ZNF568: variants seen among roughly 807,000 people sequenced by gnomAD.
ZNF568 encodes p53 inhibitor of SCO2 activation.
Under a neutral mutation model 18.1 loss-of-function variants are expected in ZNF568, and 11 were observed. The observed-to-expected ratio is 0.61, with a 90% CI of 0.38 to 1.00. The LOEUF is 1.00. Among genes scored for constraint, ZNF568 ranks in the 50% least tolerant of loss-of-function variants. ZNF568 has a pLI of 0.01. For synonymous variants in ZNF568, 213 were observed against 246.6 expected (o/e 0.86, Z 1.28); for missense variants, 639 against 768.2 (o/e 0.83, Z 1.99).
intron 2 of ZNF568, among the ~76,000 whole-genome samples, chr19:36,985,697 A>G (rs576531978): frequency 6.6e-6 from 1 of 152,160 alleles, no homozygotes; most frequent in African/African-American, 2.4e-5. Flanking sequence ...TAATTTTTGC[A>G]TTTTAAGTAG....
rs868155522 is a variant in ZNF568 at position 36,972,411 on chromosome 19, T to A, written c.359-2009T>A. On this transcript the variant is annotated intron_variant, in intron 6 of 7. Transcript: ENST00000427117. Reference sequence around the variant, plus strand: ...CCGCTGCAGACCCAACTATCCCTCATCCTTCTCCAGTCCCTTCGGCATCCT... The same window carrying A: ...CCGCTGCAGACCCAACTATCCCTCAACCTTCTCCAGTCCCTTCGGCATCCT... Among the ~76,000 whole-genome samples, 3 of 152,040 alleles carry A rather than the reference T, an allele frequency of 2.0e-5. No homozygotes were observed. The South Asian group carries it at 6.2e-4, about 32-fold the overall frequency.
rs367876051 is a variant in ZNF568 at position 36,950,854 on chromosome 19, C to T, written c.1701C>T (p.Phe567=). The stretch of plus-strand genomic sequence containing the variant: ...AATGTAATGAATGTGGTAAAGCCTT[C>T]TCTCGAATCTCATCCCTCACTCTTC... The part of the protein sequence containing the change: ...PFKCNECGKA[F]SRISSLTLHV... The change falls in exon 7 of 7, where the codon TTC becomes TTT. Residue 567 remains phenylalanine (F), a synonymous_variant. Transcript: ENST00000333987. 36 of 1,613,332 alleles carry T rather than the reference C, an allele frequency of 2.2e-5. No homozygotes were observed. The highest frequency in any genetic ancestry group is 1.6e-4 in the Middle Eastern group (1 of 6,064).
At chr19:36,923,498 A>C (rs1377564969) in intron 3 of ZNF568, among the ~76,000 whole-genome samples, 2 of 151,806 alleles carry the variant, frequency 1.3e-5, no homozygotes, top group Non-Finnish European at 1.5e-5. Context: ...TTGGGAGACG[A>C]AGGAAGTGAG....
rs532084114 is a variant in ZNF568 at position 36,996,805 on chromosome 19, T to A, written c.718T>A (p.Cys240Ser). Residue 240 changes from cysteine to serine, a missense_variant, in exon 5 of 5, where the codon TGT becomes AGT. Transcript: ENST00000433993. Reference sequence around the variant, plus strand: ...AGAGAAACCTCATAAATGTAAGGAATGTGGGAAAGCCTTTCGTTCCAGCTC... The same window carrying A: ...AGAGAAACCTCATAAATGTAAGGAAAGTGGGAAAGCCTTTCGTTCCAGCTC... 309 of 1,551,006 alleles carry A rather than the reference T, an allele frequency of 2.0e-4. 1 individual carries two copies. The highest frequency in any genetic ancestry group is 1.5e-3 in the Middle Eastern group (9 of 5,990).
intron 6 of ZNF568, among the ~76,000 whole-genome samples, chr19:36,967,266 C>T (rs561042150): frequency 1.3e-5 from 2 of 152,046 alleles, no homozygotes; most frequent in South Asian, 4.2e-4. Context: ...TATTATAATT[C>T]TGTTTAAATT....
At chr19:36,967,504 A>T (rs1013614817) in intron 6 of ZNF568, among the ~76,000 whole-genome samples, 1 of 152,202 alleles carries the variant, frequency 6.6e-6, no homozygotes, top group Non-Finnish European at 1.5e-5. Context: ...CAGATATTAC[A>T]GTGAGCTGAG....
chr19:36,950,074 A>C lies in ZNF568; in HGVS notation c.921A>C (p.Ala307=). 6.2e-7 allele frequency: 1 copy of C among 1,613,862 alleles called. No homozygotes were observed. The change falls in exon 7 of 7, where the codon GCA becomes GCC. Residue 307 remains alanine, a synonymous_variant. Transcript: ENST00000333987. The part of the protein sequence containing the change: ...HRIHTGEKPY[A]CKDCWKAFSQ... ...TTCATACTGGGGAGAAACCTTATGC[A>C]TGTAAGGATTGTTGGAAAGCCTTCA... is the stretch of plus-strand genomic sequence containing the variant.
rs374209149 is a variant in ZNF568, at chr19:36,950,165, G to A, written c.1012G>A (p.Glu338Lys). The A allele has an allele frequency of 2.5e-6, 4 of 1,613,876 alleles. No homozygotes were observed. The highest frequency in any genetic ancestry group is 2.5e-6 in the Non-Finnish European group (3 of 1,179,910). The change falls in exon 7 of 7, where the codon GAA becomes AAA. Residue 338 changes from glutamate to lysine, a missense_variant. By Grantham distance (56) the Glu-to-Lys change is moderately conservative (BLOSUM62 1). Transcript: ENST00000333987. ...HTGEKPYECK[E>K]CGKSFSQKQN... ...TGGAGAGAAACCCTATGAATGTAAG[G>A]AATGTGGGAAATCCTTCAGCCAGAA...
downstream of ZNF568, chr19:36,980,315 A>G (rs962076819): frequency 6.6e-6 from 1 of 152,150 alleles, no homozygotes; most frequent in African/African-American, 2.4e-5. Flanking sequence ...TCTATAAATG[A>G]TATTATTTTG....
At position 36,916,362 on chromosome 19, in the gene ZNF568, GGA is replaced by G. The variant is rs1220022587; in HGVS notation, c.-484_-483del. The G allele has an allele frequency of 6.2e-6, 1 of 161,008 alleles. No individual in the cohort carries two copies. The highest frequency in any genetic ancestry group is 2.4e-5 in the African/African-American group (1 of 41,820). The allele number at this position is 161,008 out of a possible 1,614,324, so 10.0% of individuals were successfully genotyped here. ...CCTCGGAAACGTCGCTGGCGCGGAG[GGA>G]TGGTTCGGCGCTTTAGGCGTCTGTC... On this transcript the variant is annotated 5_prime_UTR_variant, in exon 1 of 7. An upstream start codon of the reference 5' UTR is lost. Transcript: ENST00000333987. This position sits in a 1 kb window ranked among gnomAD's most constrained non-coding sequence, Gnocchi z 5.3.
intron 4 of ZNF568, among the ~76,000 whole-genome samples, chr19:36,932,550 C>A (rs948583185): frequency 2.0e-5 from 3 of 152,122 alleles, no homozygotes; most frequent in Non-Finnish European, 4.4e-5. Context: ...AGACCACACA[C>A]CATTGCACTC....
intron 6 of ZNF568, among the ~76,000 whole-genome samples, chr19:36,939,532 C>CTTTTTGTTTTTTTTTTTTTTT (rs2073844173): frequency 1.1e-5 from 1 of 93,084 alleles, no homozygotes; most frequent in African/African-American, 4.3e-5. Flanking sequence ...TATTTTCTTT[C>CTTTTTGTTTTTTTTTTTTTTT]TTTTTTTTTT....
chr19:36,957,733 A>G (rs1401437437), downstream of ZNF568, among the ~76,000 whole-genome samples: 2 of 152,232 alleles, frequency 1.3e-5, no homozygotes, highest in Admixed American at 6.5e-5. Flanking sequence ...AAATATTGGC[A>G]GGTGGAAAAG....
At chr19:36,981,188 G>A (rs1455903164), downstream of ZNF568, among the ~76,000 whole-genome samples, 2 of 152,100 alleles carry the variant, frequency 1.3e-5, no homozygotes, top group Non-Finnish European at 2.9e-5. Context: ...TAATCTGTCC[G>A]TCCGTTTGTC....
chr19:36,950,945 T>C lies in ZNF568; in HGVS notation c.1792T>C (p.Cys598Arg). Residue 598 changes from cysteine (C) to arginine (R), a missense_variant, in exon 7 of 7, where the codon TGC (cysteine) becomes CGC (arginine). Coordinates refer to ENST00000333987, the MANE Select transcript of ZNF568 (RefSeq NM_198539.4). ...CNKCGKAFSQ[C>R]SLLIIHMRSH... Reference sequence around the variant, plus strand: ...TAAATGTGGGAAAGCCTTTTCTCAGTGCTCATTACTTATTATACATATGAG... The same window carrying C: ...TAAATGTGGGAAAGCCTTTTCTCAGCGCTCATTACTTATTATACATATGAG... 1 of 1,613,652 alleles carries C rather than the reference T, an allele frequency of 6.2e-7. No homozygotes were observed.
At chr19:36,937,744 ATGGCT>A (rs2073814522) in intron 6 of ZNF568, among the ~76,000 whole-genome samples, 1 of 152,162 alleles carries the variant, frequency 6.6e-6, no homozygotes, top group South Asian at 2.1e-4. Flanking sequence ...TCACAATCCC[ATGGCT>A]TAGAAATGTA....
chr19:36,954,674 T>C (rs2074093983), downstream of ZNF568, among the ~76,000 whole-genome samples: 1 of 151,794 alleles, frequency 6.6e-6, no homozygotes, highest in African/African-American at 2.4e-5. Flanking sequence ...GTTCAAGTGA[T>C]TCTCCTGCCT....
At position 36,949,741 on chromosome 19, in the gene ZNF568, A is replaced by G. The variant is rs1414065031; in HGVS notation, c.588A>G (p.Lys196=). Residue 196 remains lysine, a synonymous_variant, in exon 7 of 7, where the codon AAA becomes AAG. Coordinates refer to ENST00000333987, the MANE Select transcript of ZNF568 (RefSeq NM_198539.4). ...ATTTAGACTTACTTAGATATGAGAA[A>G]GGCTGTGTAAGAGAGAAACAGAGTA... ...EHNLDLLRYE[K]GCVREKQSNE... 3 of 1,613,982 alleles carry G rather than the reference A, an allele frequency of 1.9e-6. No homozygotes were observed. Among genetic ancestry groups the G allele is most frequent in the South Asian group, 1.1e-5 (1 of 91,074 alleles).
At position 36,996,584 on chromosome 19, in the gene ZNF568, C is replaced by G; in HGVS notation, c.497C>G (p.Ser166Ter). 6.5e-7 allele frequency: 1 copy of G among 1,536,056 alleles called. No individual in the cohort carries two copies. The highest frequency in any genetic ancestry group is 8.7e-7 in the Non-Finnish European group (1 of 1,146,906). The change falls in exon 5 of 5, where the codon TCA (serine) becomes TGA (stop). Residue 166 changes from serine to a stop codon, truncating the protein, a stop_gained. Transcript: ENST00000433993. LOFTEE classifies it low-confidence loss of function (END_TRUNC). ...TGTAAGAATGCTTTTAGGTACCAGT[C>G]ATGTCCTATTCAACATGAAATAATT...
Sources: allele counts gnomAD v4.1 joint callset (sites outside exome capture counted in the v4.1 genomes callset), GRCh38; gene constraint gnomAD v4.1.1; non-coding constraint Gnocchi (gnomAD v3.1); transcripts MANE v1.5; gene names NCBI Gene and HGNC (gene_info 2026-07-23, HGNC 2026-07-21).